CARF: variants seen among roughly 807,000 people sequenced by gnomAD.
CARF encodes calcium-responsive transcription factor.
A neutral mutation model predicts 82.0 loss-of-function variants in CARF; 57 were observed. That is an observed-to-expected ratio of 0.70 (90% CI 0.56 to 0.87). The LOEUF is 0.87. Among genes scored for constraint, CARF ranks in the 40% least tolerant of loss-of-function variants. The pLI, the probability that CARF is intolerant of heterozygous loss-of-function variation, is 0.00. For synonymous variants in CARF, 268 were observed against 290.1 expected (o/e 0.92, Z 0.77); for missense variants, 771 against 855.8 (o/e 0.90, Z 1.24).
intron 7 of CARF, among the ~76,000 whole-genome samples, chr2:202,954,537 A>AC (rs2058936988): frequency 6.6e-6 from 1 of 151,788 alleles, no homozygotes; most frequent in African/African-American, 2.4e-5. Context: ...AGATGGTGAA[A>AC]CCCCATCTCT....
chr2:202,953,498 G>GTTTTTTTTTTTTTTTTTTTTTTTT (rs67855316), intron 6 of CARF, among the ~76,000 whole-genome samples: 1 of 70,294 alleles, frequency 1.4e-5, no homozygotes, highest in African/African-American at 5.6e-5. Context: ...TTTTTTTGTT[G>GTTTTTTTTTTTTTTTTTTTTTTTT]TTTTTTTTTT....
chr2:202,916,252 C>G (rs1574441970), intron 1 of CARF, among the ~76,000 whole-genome samples: 1 of 152,146 alleles, frequency 6.6e-6, no homozygotes, highest in East Asian at 1.9e-4. Flanking sequence ...ACAATCTTGG[C>G]TCCCTGCGAC....
chr2:202,918,347 C>T lies in CARF; in HGVS notation c.-163+304C>T, dbSNP rs183537298. On this transcript the variant is annotated intron_variant, in intron 2 of 16. Transcript: ENST00000438828. ...CATCCTGGCTAACACGGTGAAACCC[C>T]GTCTCTACTAAAATACAAAAAAAAT... Among the ~76,000 whole-genome samples the T allele has an allele frequency of 3.3e-3, 499 of 152,080 alleles. 4 individuals carry two copies. The highest frequency in any genetic ancestry group is 0.012 in the African/African-American group (480 of 41,496).
At chr2:202,928,590 T>C (rs1259643116) in intron 3 of CARF, among the ~76,000 whole-genome samples, 1 of 152,216 alleles carries the variant, frequency 6.6e-6, no homozygotes, top group African/African-American at 2.4e-5. Context: ...ACCAACAGTG[T>C]ATGAGTTCCC....
rs141779524 is a variant in CARF at position 202,955,296 on chromosome 2, A to G, written c.558-378A>G. 4.3e-4 allele frequency among the ~76,000 whole-genome samples: 66 copies of G among 152,272 alleles called. 1 individual carries two copies. In the East Asian group the frequency reaches 0.012, roughly 28 times the overall value. ...CCTTAATAATGTTGCTTTTCACTTG[A>G]TCTTAGCCAAAAGTCCAAGAAGTGA... On this transcript the variant is annotated intron_variant, in intron 7 of 16. Coordinates refer to ENST00000438828, the MANE Select transcript of CARF (RefSeq NM_024744.17).
At position 202,976,934 on chromosome 2, in the gene CARF, T is replaced by C. The variant is rs1017459920; in HGVS notation, c.1495-335T>C. ...TTTGTTGCCCAGGCTGGTCTCAAACTCCTGGCCTCAAGCACCTCTCCAGCC... is the reference window on the plus strand; with the variant it reads ...TTTGTTGCCCAGGCTGGTCTCAAACCCCTGGCCTCAAGCACCTCTCCAGCC... On this transcript the variant is annotated intron_variant, in intron 13 of 16. Transcript: ENST00000438828. 2.6e-5 allele frequency among the ~76,000 whole-genome samples: 4 copies of C among 152,240 alleles called. No individual in the cohort carries two copies. The East Asian group carries it at 7.7e-4, about 29-fold the overall frequency.
chr2:202,954,436 C>G (rs2058930340), intron 7 of CARF, among the ~76,000 whole-genome samples: 2 of 152,062 alleles, frequency 1.3e-5, no homozygotes, highest in Admixed American at 1.3e-4. Flanking sequence ...CATTCATGGC[C>G]AGGTGCGGTG....
At chr2:202,921,047 G>A (rs1333475429) in intron 2 of CARF, among the ~76,000 whole-genome samples, 4 of 152,234 alleles carry the variant, frequency 2.6e-5, no homozygotes, top group African/African-American at 9.6e-5. Flanking sequence ...TGTCGCCCAG[G>A]CTGGAGTGCA....
chr2:202,943,587 TACAC>T (rs754214990), intron 5 of CARF, among the ~76,000 whole-genome samples: 1,405 of 115,146 alleles, frequency 0.012, 25 homozygotes, highest in African/African-American at 0.04. Flanking sequence ...TAATGGAATG[TACAC>T]ACACACACAC....
At chr2:202,949,612 G>C (rs946124842) in intron 5 of CARF, among the ~76,000 whole-genome samples, 1 of 148,924 alleles carries the variant, frequency 6.7e-6, no homozygotes, top group Non-Finnish European at 1.5e-5. Flanking sequence ...GTGCAGTTGC[G>C]TGATCTCAGC....
chr2:202,982,333 G>A lies in CARF; in HGVS notation c.1951G>A (p.Val651Ile). Residue 651 changes from valine (V) to isoleucine (I), a missense_variant, in exon 16 of 17, where the codon GTT (valine) becomes ATT (isoleucine). Transcript: ENST00000438828. ...AGTTGCAATGGACGAGCTGGTAGAA[G>A]TTGGAGATGTTGAGGATACAGGGAA... ...NLVAMDELVE[V>I]GDVEDTGNLE... The A allele has an allele frequency of 6.2e-7, 1 of 1,614,156 alleles. No homozygotes were observed. Among genetic ancestry groups the A allele is most frequent in the Non-Finnish European group, 8.5e-7 (1 of 1,180,024 alleles).
At chr2:202,918,348 G>A (rs185949072) in intron 2 of CARF, among the ~76,000 whole-genome samples, 172 of 152,128 alleles carry the variant, frequency 1.1e-3, no homozygotes, top group African/African-American at 4.0e-3. Flanking sequence ...GTGAAACCCC[G>A]TCTCTACTAA....
chr2:202,933,175 C>T (rs768769825), intron 3 of CARF, among the ~76,000 whole-genome samples: 8 of 152,132 alleles, frequency 5.3e-5, no homozygotes, highest in African/African-American at 1.2e-4. Flanking sequence ...CTCTGCTTCC[C>T]CCGACCCCTG....
intron 5 of CARF, among the ~76,000 whole-genome samples, chr2:202,949,653 C>T (rs13017178): frequency 2.0e-5 from 3 of 151,216 alleles, no homozygotes; most frequent in African/African-American, 7.3e-5. Flanking sequence ...TGGGTTCAAG[C>T]GATTTTCCTG....
chr2:202,974,798 C>G (rs770164963), intron 13 of CARF, among the ~76,000 whole-genome samples: 72 of 151,990 alleles, frequency 4.7e-4, no homozygotes, highest in Admixed American at 1.5e-3. Context: ...ACTTGGGAGG[C>G]TGAGGCAGGA....
At chr2:202,919,377 G>C (rs1253274987) in intron 2 of CARF, among the ~76,000 whole-genome samples, 1 of 152,170 alleles carries the variant, frequency 6.6e-6, no homozygotes, top group Non-Finnish European at 1.5e-5. Flanking sequence ...AATTAGGCTA[G>C]TAAAGGTAAC....
At chr2:202,917,599 T>C (rs571339389) in intron 1 of CARF, among the ~76,000 whole-genome samples, 1 of 152,354 alleles carries the variant, frequency 6.6e-6, no homozygotes, top group Non-Finnish European at 1.5e-5. Flanking sequence ...TAGAGATCTT[T>C]GTTTTAGTGA....
At chr2:202,970,312 C>T (rs2059736697) in intron 11 of CARF, among the ~76,000 whole-genome samples, 1 of 152,092 alleles carries the variant, frequency 6.6e-6, no homozygotes, top group Non-Finnish European at 1.5e-5. Flanking sequence ...CTCTGTATAC[C>T]ATATACCATG....
Position 202,983,763 on chromosome 2 carries a change from T to A in CARF, c.*139T>A. The A allele has an allele frequency of 7.9e-6, 5 of 632,186 alleles. No individual in the cohort carries two copies. The highest frequency in any genetic ancestry group is 1.4e-5 in the Non-Finnish European group (5 of 360,118). 39.2% of individuals were successfully genotyped at this position (632,186 alleles called of 1,614,324 possible). ...GAGAAGCTTTTATTTAAAACTGATA[T>A]ATTTGTTGCCAGTTCCATATTTTTA... On this transcript the variant is annotated 3_prime_UTR_variant, in exon 17 of 17. Coordinates refer to ENST00000438828, the MANE Select transcript of CARF (RefSeq NM_024744.17).
Sources: allele counts gnomAD v4.1 joint callset (sites outside exome capture counted in the v4.1 genomes callset), GRCh38; gene constraint gnomAD v4.1.1; transcripts MANE v1.5; gene names NCBI Gene and HGNC (gene_info 2026-07-23, HGNC 2026-07-21).